Variants in VPS8 observed in about 807,000 individuals in gnomAD.
The protein encoded by VPS8 is VPS8 subunit of CORVET complex, also known as vacuolar protein sorting-associated protein 8 homolog.
A neutral mutation model predicts 216.4 loss-of-function variants in VPS8; 129 were observed. That is an observed-to-expected ratio of 0.60 (90% confidence interval 0.52 to 0.69). The LOEUF (loss-of-function observed/expected upper bound fraction) is 0.69. Ranked by LOEUF, VPS8 falls within the 30% of genes least tolerant of loss-of-function variation. The pLI, the probability that VPS8 is intolerant of heterozygous loss-of-function variation, is 0.00. For missense variants in VPS8, 1,531 were observed against 1,683.5 expected, an observed-to-expected ratio of 0.91 and a Z score of 1.59; for synonymous variants, 571 against 565.4, an observed-to-expected ratio of 1.01 and a Z score of -0.14.
chr3:184,929,764 C>CT, intron 33 of VPS8, 100 bp downstream of exon 33: 2 of 617,838 alleles, frequency 3.2e-6, no homozygotes, highest in Non-Finnish European at 5.2e-6. Flanking sequence ...TGTGTATGAG[C>CT]CAAATACACA....
chr3:184,931,606 G>A (rs929012021), intron 34 of VPS8, among the ~76,000 whole-genome samples: 4 of 152,156 alleles, frequency 2.6e-5, no homozygotes, highest in Non-Finnish European at 4.4e-5. Flanking sequence ...TAACTGGCAC[G>A]AAAGGTAGTA....
intron 25 of VPS8, among the ~76,000 whole-genome samples, chr3:184,909,760 CT>C (rs1299271926): frequency 6.6e-6 from 1 of 152,106 alleles, no homozygotes; most frequent in Non-Finnish European, 1.5e-5. Context: ...ACTTGATTCA[CT>C]TTTAAGAAGA....
chr3:184,855,251 C>T (rs1264509836), intron 13 of VPS8, among the ~76,000 whole-genome samples: 2 of 152,150 alleles, frequency 1.3e-5, no homozygotes, highest in East Asian at 1.9e-4. Flanking sequence ...CTATAATTAA[C>T]ATTTACTGCC....
chr3:184,826,902 T>A (rs1210707019), intron 3 of VPS8, among the ~76,000 whole-genome samples: 2 of 152,198 alleles, frequency 1.3e-5, no homozygotes, highest in Non-Finnish European at 2.9e-5. Flanking sequence ...GATCAAAGGC[T>A]TTCTAAAGGG....
At chr3:184,955,616 G>T (rs1201928830) in intron 36 of VPS8, among the ~76,000 whole-genome samples, 1 of 151,992 alleles carries the variant, frequency 6.6e-6, no homozygotes, top group African/African-American at 2.4e-5. Flanking sequence ...TCTTTGTCTT[G>T]TGTCTTTATT....
At chr3:184,839,120 G>GGAAT (rs1340980596) in intron 6 of VPS8, 6 of 200,724 alleles carry the variant, frequency 3.0e-5, no homozygotes, top group Non-Finnish European at 4.9e-5. Context: ...TAACAGCTCT[G>GGAAT]GATTCCATTG....
intron 45 of VPS8, among the ~76,000 whole-genome samples, chr3:185,018,235 A>G (rs1036977386): frequency 3.9e-5 from 6 of 152,298 alleles, no homozygotes; most frequent in African/African-American, 1.4e-4. Context: ...TAACTGCAAC[A>G]CTATTTCCTG....
At chr3:184,879,899 T>G (rs1029905828) in intron 21 of VPS8, among the ~76,000 whole-genome samples, 1 of 152,190 alleles carries the variant, frequency 6.6e-6, no homozygotes, top group Non-Finnish European at 1.5e-5. Context: ...GAAGCAAAGC[T>G]TAAAATATGG....
At chr3:184,971,525 TATTA>T (rs1335647482) in intron 39 of VPS8, 120 bp from the exon 40 acceptor site, 11 of 593,170 alleles carry the variant, frequency 1.9e-5, no homozygotes, top group East Asian at 3.2e-5. Flanking sequence ...CATCAGGTTT[TATTA>T]ATTATTATAT....
chr3:184,915,589 A>C, intron 28 of VPS8, 115 bp downstream of exon 28: 5 of 1,140,796 alleles, frequency 4.4e-6, no homozygotes, highest in Non-Finnish European at 6.1e-6. Context: ...CAGGCAGATC[A>C]TCTGAGGTCA....
At chr3:185,010,027 G>T (rs74823827) in intron 45 of VPS8, among the ~76,000 whole-genome samples, 39 of 144,646 alleles carry the variant, frequency 2.7e-4, no homozygotes, top group African/African-American at 9.1e-4. Context: ...AAAAGGATTA[G>T]ATTGAACAAT....
chr3:184,939,315 TA>T (rs1682667007), intron 35 of VPS8, among the ~76,000 whole-genome samples: 1 of 151,826 alleles, frequency 6.6e-6, no homozygotes, highest in African/African-American at 2.4e-5. Flanking sequence ...TAAAAATAAA[TA>T]TATTTTTAAA....
intron 29 of VPS8, 36 bp from the exon 30 acceptor site, chr3:184,924,826 T>C (rs765744405): frequency 6.4e-6 from 10 of 1,553,398 alleles, no homozygotes; most frequent in Non-Finnish European, 7.8e-6. Flanking sequence ...TCAAACCAAA[T>C]GGTGTATTGA....
intron 43 of VPS8, among the ~76,000 whole-genome samples, chr3:184,994,601 A>G (rs1455214259): frequency 6.6e-6 from 1 of 152,268 alleles, no homozygotes; most frequent in Non-Finnish European, 1.5e-5. Context: ...TGGCAATGAA[A>G]CAAATATCTT....
Position 184,928,518 on chromosome 3 carries a change from C to A in VPS8, c.2699C>A (p.Ala900Glu). 6.6e-7 allele frequency: 1 copy of A among 1,516,650 alleles called. No homozygotes were observed. The highest frequency in any genetic ancestry group is 1.4e-5 in the South Asian group (1 of 71,700). The allele number at this position is 1,516,650 out of a possible 1,614,324, so 93.9% of individuals were successfully genotyped here. ...GAAGAGAGTCGACTCATCCGGATGG[C>A]AGAAAAAGCTGAGTTGTAAGTTGTT... Reference protein sequence around the residue: ...QFEESRLIRMAEKAEFYQICE... With the variant: ...QFEESRLIRMEEKAEFYQICE... The change falls in exon 32 of 48, where the codon GCA (alanine) becomes GAA (glutamate). Residue 900 changes from alanine (A) to glutamate (E), a missense_variant. Physicochemically the swap from Ala to Glu is moderately radical, Grantham distance 107. This residue lies in a region of VPS8 where 1,318 missense variants were observed against 1,468.4 expected (regional missense o/e 0.90). Transcript: ENST00000625842.
intron 1 of VPS8, among the ~76,000 whole-genome samples, chr3:184,814,723 G>T (rs550270259): frequency 2.6e-5 from 4 of 152,284 alleles, no homozygotes; most frequent in African/African-American, 9.6e-5. Flanking sequence ...GAGTGAGTGT[G>T]AAGGCCTAGG....
At chr3:184,957,300 C>T in intron 36 of VPS8, 74 bp from the exon 37 acceptor site, 1 of 1,442,736 alleles carries the variant, frequency 6.9e-7, no homozygotes. Context: ...GTGCTTTTTA[C>T]TGGTAGCTTT....
At chr3:184,866,551 T>A (rs773885204) in intron 16 of VPS8, among the ~76,000 whole-genome samples, 7 of 152,210 alleles carry the variant, frequency 4.6e-5, no homozygotes, top group Non-Finnish European at 1.0e-4. Flanking sequence ...GTGTGTTATA[T>A]CTCAGTACTG....
chr3:184,982,503 T>G, intron 40 of VPS8, 63 bp from the exon 41 acceptor site: 1 of 1,244,180 alleles, frequency 8.0e-7, no homozygotes, highest in Admixed American at 1.9e-5. Context: ...TTAGTTATTC[T>G]TTTGTTTTTC....
Sources: gnomAD v4.1 joint callset for allele counts (sites outside exome capture counted in the v4.1 genomes callset) on GRCh38, gnomAD v4.1.1 for gene constraint, gnomAD v4.1.1 regional missense constraint, MANE v1.5 for transcripts, NCBI Gene and HGNC (gene_info 2026-07-23, HGNC 2026-07-21) for gene names.